FRYL: variants seen among roughly 807,000 people sequenced by gnomAD.
The protein encoded by FRYL is protein furry homolog-like.
Under a neutral mutation model 351.2 loss-of-function variants are expected in FRYL, and 150 were observed. The observed-to-expected ratio is 0.43, with a 90% confidence interval of 0.37 to 0.49. The LOEUF (loss-of-function observed/expected upper bound fraction) is 0.49, where lower values mean the gene tolerates loss of function less well. Among genes scored for constraint, FRYL ranks in the 20% least tolerant of loss-of-function variants. FRYL has a pLI of 0.00. For missense variants in FRYL, 3,036 were observed against 3,619.3 expected, an observed-to-expected ratio of 0.84 and a Z score of 4.13; for synonymous variants, 1,153 against 1,257.1, an observed-to-expected ratio of 0.92 and a Z score of 1.75.
chr4:48,742,344 C>T (rs1772187624), intron 1 of FRYL, among the ~76,000 whole-genome samples: 1 of 152,134 alleles, frequency 6.6e-6, no homozygotes, highest in African/African-American at 2.4e-5. Flanking sequence ...GACCTTGAAA[C>T]TGTTCCCTCA....
chr4:48,749,770 T>A (rs1333783450), intron 1 of FRYL, among the ~76,000 whole-genome samples: 2 of 152,008 alleles, frequency 1.3e-5, no homozygotes, highest in African/African-American at 4.8e-5. Flanking sequence ...CTGTCCCATA[T>A]CCTCCCAAGT....
chr4:48,554,514 GT>G (rs1271682721), intron 35 of FRYL, among the ~76,000 whole-genome samples: 1 of 151,942 alleles, frequency 6.6e-6, no homozygotes, highest in African/African-American at 2.4e-5. Context: ...AATTTTCGTA[GT>G]TTTAGTACAG....
chr4:48,552,182 G>C (rs1326051767), intron 36 of FRYL, among the ~76,000 whole-genome samples: 9 of 151,900 alleles, frequency 5.9e-5, no homozygotes, highest in African/African-American at 2.2e-4. Flanking sequence ...TTACCCCACT[G>C]GGCTTCCAGA....
intron 3 of FRYL, chr4:48,645,967 C>T (rs1756382560): frequency 6.6e-6 from 1 of 152,136 alleles, no homozygotes; most frequent in African/African-American, 2.4e-5. Flanking sequence ...AACGATATTA[C>T]TAAGGCTATG....
At position 48,589,617 on chromosome 4, in the gene FRYL, T is replaced by C; in HGVS notation, c.1640+128A>G. The stretch of plus-strand genomic sequence containing the variant: ...GAGTGTGTGGAAGGAATCACTGTAT[T>C]GAAAACTGCAGCAGATAGAAACATG... On this transcript the variant is annotated intron_variant, in intron 18 of 63. Coordinates refer to ENST00000358350, the MANE Select transcript of FRYL (RefSeq NM_015030.2). 13 of 849,564 alleles carry C rather than the reference T, an allele frequency of 1.5e-5. No individual in the cohort carries two copies. The South Asian group carries it at 2.3e-4, about 15-fold the overall frequency. The allele number at this position is 849,564 out of a possible 1,614,324, so 52.6% of individuals were successfully genotyped here.
intron 3 of FRYL, among the ~76,000 whole-genome samples, chr4:48,639,840 A>C (rs1333019838): frequency 4.6e-5 from 7 of 152,146 alleles, no homozygotes; most frequent in African/African-American, 1.2e-4. Context: ...ACAAGTAAAA[A>C]ATGAGCACCA....
At chr4:48,606,388 C>A in intron 10 of FRYL, 50 bp downstream of exon 10, 1 of 1,254,034 alleles carries the variant, frequency 8.0e-7, no homozygotes, top group Non-Finnish European at 1.1e-6. Context: ...TCATGAAGAG[C>A]AAGGACTGTT....
At chr4:48,708,514 C>T (rs1473493917) in intron 2 of FRYL, among the ~76,000 whole-genome samples, 1 of 152,112 alleles carries the variant, frequency 6.6e-6, no homozygotes, top group Non-Finnish European at 1.5e-5. Context: ...CCTGCAATTC[C>T]ACTTCTAAGA....
intron 3 of FRYL, among the ~76,000 whole-genome samples, chr4:48,677,050 A>G (rs1763826057): frequency 6.6e-6 from 1 of 152,260 alleles, no homozygotes; most frequent in Admixed American, 6.5e-5. Context: ...TGTGCTCTAC[A>G]GGCATTTAAA....
At chr4:48,516,871 G>T (rs1723733796) in intron 55 of FRYL, among the ~76,000 whole-genome samples, 1 of 152,182 alleles carries the variant, frequency 6.6e-6, no homozygotes, top group Non-Finnish European at 1.5e-5. Flanking sequence ...TCTCAATCTA[G>T]TTGAGGCAAC....
chr4:48,688,529 C>G (rs1411630005), intron 2 of FRYL, among the ~76,000 whole-genome samples: 1 of 151,970 alleles, frequency 6.6e-6, no homozygotes, highest in Admixed American at 6.6e-5. Context: ...AAAGAAAATT[C>G]ATGATTTGTA....
chr4:48,527,397 A>G, intron 53 of FRYL, 80 bp downstream of exon 53: 3 of 1,202,906 alleles, frequency 2.5e-6, no homozygotes, highest in Non-Finnish European at 2.3e-6. Context: ...TGACCTCAAT[A>G]AGGAATGATC....
At position 48,549,808 on chromosome 4, in the gene FRYL, G is replaced by A. The variant is rs1672793449; in HGVS notation, c.4634-185C>T. Among the ~76,000 whole-genome samples, 1 of 152,192 alleles carries A rather than the reference G, an allele frequency of 6.6e-6. No individual in the cohort carries two copies. Among genetic ancestry groups the A allele is most frequent in the East Asian group, 1.9e-4 (1 of 5,182 alleles). On this transcript the variant is annotated intron_variant, in intron 38 of 63. Transcript: ENST00000358350. The surrounding 1 kb of genome is among the most constrained non-coding windows in gnomAD (Gnocchi z 4.2). ...ATCAAATTAAGCAAACCAGGGAGAGGGAGAGAGAGAAAGAGATTAATTTAG... is the reference window on the plus strand; with the variant it reads ...ATCAAATTAAGCAAACCAGGGAGAGAGAGAGAGAGAAAGAGATTAATTTAG...
chr4:48,766,595 G>C (rs1419879255), intron 1 of FRYL, among the ~76,000 whole-genome samples: 1 of 152,144 alleles, frequency 6.6e-6, no homozygotes, highest in South Asian at 2.1e-4. Context: ...CCCAGTCACA[G>C]GGGGCCCTGA....
intron 28 of FRYL, 105 bp from the exon 29 acceptor site, chr4:48,565,796 A>C (rs1736645395): frequency 8.6e-7 from 1 of 1,167,416 alleles, no homozygotes; most frequent in Non-Finnish European, 1.2e-6. Flanking sequence ...AGAAAGCAGA[A>C]GTTTTCATTT....
chr4:48,515,750 A>G (rs1723450560), intron 55 of FRYL, among the ~76,000 whole-genome samples: 1 of 152,132 alleles, frequency 6.6e-6, no homozygotes, highest in African/African-American at 2.4e-5. Flanking sequence ...AAAATATATC[A>G]CCTATTATCA....
chr4:48,733,032 T>C (rs1770909814), intron 1 of FRYL, among the ~76,000 whole-genome samples: 1 of 151,676 alleles, frequency 6.6e-6, no homozygotes, highest in African/African-American at 2.4e-5. Flanking sequence ...TCCCAGCACT[T>C]TGGGAGGCCA....
chr4:48,778,781 G>T (rs1462579941), intron 1 of FRYL, among the ~76,000 whole-genome samples: 1 of 152,128 alleles, frequency 6.6e-6, no homozygotes, highest in East Asian at 1.9e-4. Flanking sequence ...ATATCTCCTA[G>T]GCAGCACAGC....
chr4:48,761,007 CTGTGTGTGTGTG>C (rs57872533), intron 1 of FRYL, among the ~76,000 whole-genome samples: 40 of 134,512 alleles, frequency 3.0e-4, no homozygotes, highest in Admixed American at 1.6e-3. Context: ...ATTACTCTGT[CTGTGTGTGTGTG>C]TGTGTGTGTG....
Sources: gnomAD v4.1 joint callset for allele counts (sites outside exome capture counted in the v4.1 genomes callset) on GRCh38, gnomAD v4.1.1 for gene constraint, Gnocchi (gnomAD v3.1) non-coding constraint, MANE v1.5 for transcripts, NCBI Gene and HGNC (gene_info 2026-07-23, HGNC 2026-07-21) for gene names.